Variants in WARS2 observed in about 807,000 individuals in gnomAD.
WARS2 encodes tryptophanyl tRNA synthetase 2, mitochondrial.
In WARS2, 28 loss-of-function variants were observed where a neutral mutation model predicts 36.5. That is an observed-to-expected ratio of 0.77 (90% confidence interval 0.57 to 1.05). WARS2 has a LOEUF of 1.05. Ranked by LOEUF, WARS2 falls within the 50% of genes least tolerant of loss-of-function variation. The pLI is 0.00. For synonymous variants in WARS2, 174 were observed against 178.4 expected, an observed-to-expected ratio of 0.98 and a Z score of 0.20; for missense variants, 435 against 456.8, an observed-to-expected ratio of 0.95 and a Z score of 0.44.
intron 1 of WARS2, among the ~76,000 whole-genome samples, chr1:119,095,342 A>G (rs897321727): frequency 3.9e-5 from 6 of 152,234 alleles, no homozygotes; most frequent in Non-Finnish European, 8.8e-5. Flanking sequence ...AAGTTTGTTT[A>G]AAAATTACCA....
At chr1:119,107,869 TGA>T (rs1654354154) in intron 1 of WARS2, among the ~76,000 whole-genome samples, 1 of 152,126 alleles carries the variant, frequency 6.6e-6, no homozygotes, top group Non-Finnish European at 1.5e-5. Flanking sequence ...CCTGGTTTAC[TGA>T]GAGTTTTTAT....
intron 2 of WARS2, among the ~76,000 whole-genome samples, chr1:119,062,030 T>C (rs934642017): frequency 3.3e-5 from 5 of 152,202 alleles, no homozygotes; most frequent in Non-Finnish European, 7.3e-5. Context: ...CCAAGGTCTA[T>C]ATATGAAATG....
At chr1:119,081,965 G>C (rs1339746233) in intron 1 of WARS2, among the ~76,000 whole-genome samples, 1 of 151,956 alleles carries the variant, frequency 6.6e-6, no homozygotes, top group Non-Finnish European at 1.5e-5. Flanking sequence ...CAAGAAAAAT[G>C]GGTTCATCAT....
chr1:119,032,680 T>C lies in WARS2; in HGVS notation c.*231A>G, dbSNP rs369622010. On this transcript the variant is annotated 3_prime_UTR_variant, in exon 6 of 6. Coordinates refer to ENST00000235521, the MANE Select transcript of WARS2 (RefSeq NM_015836.4). ...CAATAATTGGGGATTCAGACAGCTA[T>C]GCCTTCTTGATTTATTTTTTGTTGT... 1.8e-6 allele frequency: 1 copy of C among 540,724 alleles called. No individual in the cohort carries two copies. Among genetic ancestry groups the C allele is most frequent in the Non-Finnish European group, 3.2e-6 (1 of 308,524 alleles). 33.5% of individuals were successfully genotyped at this position (540,724 alleles called of 1,614,324 possible).
chr1:119,111,494 G>A (rs1352005884), intron 1 of WARS2, among the ~76,000 whole-genome samples: 1 of 152,124 alleles, frequency 6.6e-6, no homozygotes, highest in Admixed American at 6.6e-5. Flanking sequence ...ATTAGTCTCT[G>A]GTAAAATAGT....
At chr1:119,097,672 C>T (rs751055750) in intron 1 of WARS2, among the ~76,000 whole-genome samples, 15 of 152,200 alleles carry the variant, frequency 9.9e-5, no homozygotes, top group Non-Finnish European at 1.9e-4. Flanking sequence ...CTGTAACTTA[C>T]TTTTCCTACA....
intron 1 of WARS2, among the ~76,000 whole-genome samples, chr1:119,095,019 C>T (rs587615153): frequency 1.3e-5 from 2 of 152,230 alleles, no homozygotes; most frequent in South Asian, 4.1e-4. Context: ...GGTTGGGGAA[C>T]AAATAGTCCT....
intron 1 of WARS2, chr1:119,085,632 C>T (rs1292745740): frequency 4.0e-5 from 58 of 1,433,772 alleles, no homozygotes; most frequent in African/African-American, 5.6e-5. Flanking sequence ...ATGATCCACT[C>T]GGATAGTTCT....
intron 1 of WARS2, among the ~76,000 whole-genome samples, chr1:119,122,834 C>T (rs1156806320): frequency 6.6e-6 from 1 of 151,676 alleles, no homozygotes; most frequent in Non-Finnish European, 1.5e-5. Context: ...AACTAAGCAA[C>T]GAAGACACAA....
intron 1 of WARS2, among the ~76,000 whole-genome samples, chr1:119,089,282 C>A (rs1215302273): frequency 6.6e-6 from 1 of 152,186 alleles, no homozygotes; most frequent in Non-Finnish European, 1.5e-5. Flanking sequence ...TCTCATCCAA[C>A]CTGTAGACTG....
At chr1:119,059,667 C>G (rs1650213566) in intron 2 of WARS2, among the ~76,000 whole-genome samples, 1 of 152,046 alleles carries the variant, frequency 6.6e-6, no homozygotes, top group African/African-American at 2.4e-5. Flanking sequence ...TTTGCATGGC[C>G]TTATACATTT....
At chr1:119,117,682 TC>T (rs1655061999) in intron 1 of WARS2, among the ~76,000 whole-genome samples, 1 of 151,980 alleles carries the variant, frequency 6.6e-6, no homozygotes, top group African/African-American at 2.4e-5. Flanking sequence ...TTCCAGAGAG[TC>T]CACTTCACTC....
At chr1:119,079,219 C>T (rs1652003547) in intron 1 of WARS2, among the ~76,000 whole-genome samples, 3 of 152,106 alleles carry the variant, frequency 2.0e-5, no homozygotes, top group Admixed American at 2.0e-4. Flanking sequence ...AGGGTCTGGT[C>T]TTTCAATTCT....
At position 119,034,132 on chromosome 1, in the gene WARS2, C is replaced by T. The variant is rs1163129860; in HGVS notation, c.597G>A (p.Lys199=). 3.1e-6 allele frequency: 5 copies of T among 1,613,922 alleles called. No individual in the cohort carries two copies. The highest frequency in any genetic ancestry group is 4.2e-6 in the Non-Finnish European group (5 of 1,179,912). The change falls in exon 5 of 6, where the codon AAG becomes AAA. Residue 199 remains lysine, a synonymous_variant. Transcript: ENST00000235521. ...CGGGCACTGGAAAGAACTCCCCATA[C>T]TTCTTGTTGAAACCTTGTGCTAGAT... is the stretch of plus-strand genomic sequence containing the variant. ...VQDLAQGFNK[K]YGEFFPVPES... is the part of the protein sequence containing the mutation.
intron 1 of WARS2, among the ~76,000 whole-genome samples, chr1:119,116,901 AGAG>A (rs1427630221): frequency 1.3e-5 from 2 of 152,226 alleles, no homozygotes; most frequent in Non-Finnish European, 2.9e-5. Context: ...AATCCAGGGC[AGAG>A]GAGTAGAGAG....
chr1:119,070,758 T>A (rs1283185884), intron 2 of WARS2, among the ~76,000 whole-genome samples: 1 of 151,884 alleles, frequency 6.6e-6, no homozygotes, highest in Non-Finnish European at 1.5e-5. Flanking sequence ...AATAAATAAA[T>A]AAATAAAATA....
At chr1:119,066,351 G>A (rs181915827) in intron 2 of WARS2, among the ~76,000 whole-genome samples, 6 of 151,716 alleles carry the variant, frequency 4.0e-5, no homozygotes, top group African/African-American at 9.7e-5. Context: ...GGTGGTGGGC[G>A]CCTGTAGTCC....
At chr1:119,085,659 C>T in intron 1 of WARS2, 1 of 1,420,730 alleles carries the variant, frequency 7.0e-7, no homozygotes, top group Non-Finnish European at 1.0e-6. Flanking sequence ...GATCTTGATC[C>T]CATTAAAATT....
intron 1 of WARS2, among the ~76,000 whole-genome samples, chr1:119,128,061 C>CT (rs1342617522): frequency 1.3e-5 from 2 of 151,896 alleles, no homozygotes; most frequent in Non-Finnish European, 2.9e-5. Context: ...ACTGTAAATT[C>CT]TTTTTTTTAA....
Sources: allele counts gnomAD v4.1 joint callset (sites outside exome capture counted in the v4.1 genomes callset), GRCh38; gene constraint gnomAD v4.1.1; transcripts MANE v1.5; gene names NCBI Gene and HGNC (gene_info 2026-07-23, HGNC 2026-07-21).